The following AUH variants were observed in gnomAD, a reference collection of about 807,000 sequenced individuals.
AUH encodes the protein methylglutaconyl-CoA hydratase, mitochondrial.
AUH carries 29 observed loss-of-function variants against 42.3 expected under a neutral mutation model. The ratio of observed to expected loss-of-function variants is 0.69; its 90% CI spans 0.51 to 0.93. AUH has a LOEUF of 0.93. Ranked by LOEUF, AUH falls within the 40% of genes least tolerant of loss-of-function variation. The pLI, the probability that AUH is intolerant of heterozygous loss-of-function variation, is 0.00. For synonymous variants in AUH, 174 were observed against 166.4 expected (o/e 1.05, Z -0.35); for missense variants, 452 against 438.1 (o/e 1.03, Z -0.28).
At chr9:91,349,815 C>T (rs1831826614) in intron 3 of AUH, among the ~76,000 whole-genome samples, 1 of 152,136 alleles carries the variant, frequency 6.6e-6, no homozygotes, top group Non-Finnish European at 1.5e-5. Context: ...TCACATAATC[C>T]ATGTAGCCAA....
intron 3 of AUH, among the ~76,000 whole-genome samples, chr9:91,329,958 T>C (rs1268124703): frequency 1.3e-5 from 2 of 152,194 alleles, no homozygotes; most frequent in Non-Finnish European, 2.9e-5. Context: ...GGGTGTTCCC[T>C]AACACTTTTA....
chr9:91,328,656 G>A (rs1489843392), intron 3 of AUH, among the ~76,000 whole-genome samples: 1 of 152,072 alleles, frequency 6.6e-6, no homozygotes, highest in Non-Finnish European at 1.5e-5. Flanking sequence ...ACCAACAAGA[G>A]AGCCCACTAA....
At chr9:91,280,568 T>C (rs1162474564) in intron 6 of AUH, among the ~76,000 whole-genome samples, 1 of 152,126 alleles carries the variant, frequency 6.6e-6, no homozygotes, top group Non-Finnish European at 1.5e-5. Context: ...TTTGAACACA[T>C]AAATAAAGCT....
At chr9:91,326,183 A>T (rs1372722976) in intron 3 of AUH, among the ~76,000 whole-genome samples, 1 of 152,200 alleles carries the variant, frequency 6.6e-6, no homozygotes, top group African/African-American at 2.4e-5. Flanking sequence ...TAGAAGGCAT[A>T]CACTCAGCTA....
chr9:91,252,306 C>CA (rs1829176587), intron 6 of AUH, among the ~76,000 whole-genome samples: 1 of 151,824 alleles, frequency 6.6e-6, no homozygotes, highest in African/African-American at 2.4e-5. Flanking sequence ...CATTTAAAAA[C>CA]AAAACTTGTA....
chr9:91,247,466 C>CGAGG, intron 6 of AUH, among the ~76,000 whole-genome samples: 1 of 152,246 alleles, frequency 6.6e-6, no homozygotes, highest in Non-Finnish European at 1.5e-5. Context: ...CCAGCCTCTC[C>CGAGG]ATCTCCTTGG....
intron 4 of AUH, among the ~76,000 whole-genome samples, chr9:91,306,898 C>T (rs1370794377): frequency 6.6e-6 from 1 of 152,124 alleles, no homozygotes; most frequent in East Asian, 1.9e-4. Context: ...CTGAACACAA[C>T]CCAAATGTCT....
intron 7 of AUH, chr9:91,218,542 G>A (rs898095932): frequency 2.3e-5 from 20 of 882,016 alleles, no homozygotes; most frequent in African/African-American, 1.8e-4. Flanking sequence ...GATTCTGCAC[G>A]TCTAACAAGC....
At chr9:91,236,137 G>A (rs1228714604) in intron 6 of AUH, among the ~76,000 whole-genome samples, 1 of 152,172 alleles carries the variant, frequency 6.6e-6, no homozygotes. Flanking sequence ...AAACATACTA[G>A]GGAAGTATGG....
At chr9:91,334,469 C>T (rs75655058) in intron 3 of AUH, among the ~76,000 whole-genome samples, 7 of 94,864 alleles carry the variant, frequency 7.4e-5, no homozygotes, top group South Asian at 7.0e-4. Flanking sequence ...TCTCATCTTC[C>T]CCTGCCCTTG....
At chr9:91,334,672 C>T (rs1402509043) in intron 3 of AUH, among the ~76,000 whole-genome samples, 2 of 152,148 alleles carry the variant, frequency 1.3e-5, no homozygotes, top group Admixed American at 1.3e-4. Context: ...AACCCTAATA[C>T]ACTTATTAAA....
intron 6 of AUH, among the ~76,000 whole-genome samples, chr9:91,235,244 A>G (rs1828110033): frequency 1.3e-5 from 2 of 152,204 alleles, no homozygotes; most frequent in African/African-American, 4.8e-5. Context: ...GTAGGCAGCT[A>G]CTGCTGTCAC....
intron 9 of AUH, among the ~76,000 whole-genome samples, chr9:91,214,678 A>G (rs1326210900): frequency 6.6e-6 from 1 of 152,190 alleles, no homozygotes; most frequent in Non-Finnish European, 1.5e-5. Flanking sequence ...TCTCTTTTCT[A>G]TTATATACAT....
intron 6 of AUH, among the ~76,000 whole-genome samples, chr9:91,229,965 C>A (rs376877759): frequency 0.025 from 3,758 of 152,052 alleles, 72 homozygotes; most frequent in East Asian, 0.057. Context: ...GGTAACCCGA[C>A]CTTTCTCTCT....
At chr9:91,217,648 A>C (rs946175535) in intron 7 of AUH, among the ~76,000 whole-genome samples, 2 of 152,198 alleles carry the variant, frequency 1.3e-5, no homozygotes, top group African/African-American at 4.8e-5. Flanking sequence ...TAGAGGAAGG[A>C]AAAGGAGGTA....
intron 4 of AUH, among the ~76,000 whole-genome samples, chr9:91,313,682 G>C (rs866793135): frequency 6.8e-6 from 1 of 146,538 alleles, no homozygotes; most frequent in African/African-American, 2.5e-5. Flanking sequence ...TCCGCAGTCC[G>C]GCCTGGGCGA....
intron 6 of AUH, among the ~76,000 whole-genome samples, chr9:91,266,818 C>A (rs1830001166): frequency 6.6e-6 from 1 of 152,188 alleles, no homozygotes; most frequent in African/African-American, 2.4e-5. Flanking sequence ...ATCTTAATCA[C>A]AGGTAACTTA....
At chr9:91,214,544 G>C (rs1384637266) in intron 9 of AUH, 119 bp from the exon 10 acceptor site, 8 of 787,790 alleles carry the variant, frequency 1.0e-5, no homozygotes, top group Non-Finnish European at 1.4e-5. Context: ...TCAGTCACCT[G>C]AACAATTCTC....
intron 6 of AUH, among the ~76,000 whole-genome samples, chr9:91,232,324 G>C (rs1380746077): frequency 6.6e-6 from 1 of 152,150 alleles, no homozygotes; most frequent in Non-Finnish European, 1.5e-5. Context: ...AGTGAGCTAT[G>C]ATTATGCCAC....
Sources: allele counts gnomAD v4.1 joint callset (sites outside exome capture counted in the v4.1 genomes callset), GRCh38; gene constraint gnomAD v4.1.1; transcripts MANE v1.5; gene names NCBI Gene and HGNC (gene_info 2026-07-23, HGNC 2026-07-21).